The following MCHR2 variants were observed in gnomAD, a reference collection of about 807,000 sequenced individuals.
MCHR2 encodes the protein melanin-concentrating hormone receptor 2.
Under a neutral mutation model 24.8 loss-of-function variants are expected in MCHR2, and 15 were observed. The observed-to-expected ratio is 0.60, with a 90% CI of 0.40 to 0.93. MCHR2 has a LOEUF of 0.93. MCHR2 is among the 40% of genes least tolerant of loss of function. The probability of loss-of-function intolerance (pLI) is 0.00; values close to 1 mark genes in which losing one functional copy is unlikely to be tolerated. For synonymous variants in MCHR2, 151 were observed against 147.6 expected (o/e 1.02, Z -0.17); for missense variants, 386 against 408.7 (o/e 0.94, Z 0.48).
chr6:99,933,265 G>A (rs922670352), intron 5 of MCHR2, among the ~76,000 whole-genome samples: 41 of 152,182 alleles, frequency 2.7e-4, no homozygotes, highest in African/African-American at 9.1e-4. Context: ...TGTATGAGAT[G>A]TGTTTCATAA....
At chr6:99,968,772 C>T (rs984886171) in intron 1 of MCHR2, among the ~76,000 whole-genome samples, 1 of 151,954 alleles carries the variant, frequency 6.6e-6, no homozygotes, top group African/African-American at 2.4e-5. Flanking sequence ...GAATTGAAAT[C>T]ATATAGTGTT....
At chr6:99,926,479 C>T (rs1465553692) in intron 5 of MCHR2, among the ~76,000 whole-genome samples, 1 of 151,556 alleles carries the variant, frequency 6.6e-6, no homozygotes, top group East Asian at 1.9e-4. Flanking sequence ...TATTTCTCCA[C>T]ATCCTCTCCA....
chr6:99,986,910 A>C (rs12200262), intron 1 of MCHR2, among the ~76,000 whole-genome samples: 49,906 of 150,220 alleles, frequency 0.33, 8,722 homozygotes, highest in East Asian at 0.55. Flanking sequence ...ATATACATGG[A>C]CCCTTAAGTA....
intron 4 of MCHR2, among the ~76,000 whole-genome samples, chr6:99,940,869 T>A (rs1192420584): frequency 6.6e-6 from 1 of 152,108 alleles, no homozygotes; most frequent in African/African-American, 2.4e-5. Context: ...GAAGCCTGGC[T>A]AGGGGTTTGT....
At chr6:99,971,186 A>G (rs1775410142) in intron 1 of MCHR2, among the ~76,000 whole-genome samples, 1 of 152,164 alleles carries the variant, frequency 6.6e-6, no homozygotes, top group African/African-American at 2.4e-5. Flanking sequence ...GATTCTTCCT[A>G]CCCATGAGCA....
rs1228917645 is a variant in MCHR2 at position 99,919,250 on chromosome 6, A to C, written c.*1690T>G. ...AGTGTGTAGTTCTCATGTGGTTTAC[A>C]GAACCATTCATCCAGATATGCATTT... On this transcript the variant is annotated 3_prime_UTR_variant, in exon 6 of 6. Transcript: ENST00000281806. Among the ~76,000 whole-genome samples, 1 of 151,684 alleles carries C rather than the reference A, an allele frequency of 6.6e-6. No individual in the cohort carries two copies. Among genetic ancestry groups the C allele is most frequent in the African/African-American group, 2.4e-5 (1 of 41,292 alleles).
At position 99,918,678 on chromosome 6, in the gene MCHR2, G is replaced by A. The variant is rs1422410600; in HGVS notation, c.*2262C>T. ...GAAAGTAAACATGTATACATATCAT[G>A]GCCAAACATAGAAAACACACAAAGA... On this transcript the variant is annotated 3_prime_UTR_variant, in exon 6 of 6. Coordinates refer to ENST00000281806, the MANE Select transcript of MCHR2 (RefSeq NM_001040179.2). Among the ~76,000 whole-genome samples the A allele has an allele frequency of 2.0e-5, 3 of 152,084 alleles. No homozygotes were observed. The highest frequency in any genetic ancestry group is 4.4e-5 in the Non-Finnish European group (3 of 67,994).
intron 1 of MCHR2, among the ~76,000 whole-genome samples, chr6:99,992,575 CT>C (rs1775905239): frequency 6.6e-6 from 1 of 152,170 alleles, no homozygotes; most frequent in African/African-American, 2.4e-5. Context: ...TGCCTGGTGG[CT>C]TTTCCTTCCC....
chr6:99,964,848 A>G (rs1775263684), intron 1 of MCHR2, among the ~76,000 whole-genome samples: 1 of 152,156 alleles, frequency 6.6e-6, no homozygotes. Context: ...ACACACGATA[A>G]CATGGATGGA....
intron 1 of MCHR2, among the ~76,000 whole-genome samples, chr6:99,993,449 G>A (rs1775923902): frequency 6.6e-6 from 1 of 152,112 alleles, no homozygotes; most frequent in African/African-American, 2.4e-5. Context: ...GGGGACACGG[G>A]GATCTACCTG....
intron 4 of MCHR2, among the ~76,000 whole-genome samples, chr6:99,939,413 G>C (rs1197688748): frequency 6.6e-6 from 1 of 151,954 alleles, no homozygotes; most frequent in African/African-American, 2.4e-5. Flanking sequence ...ATTCTAAAGA[G>C]ATGATAATTT....
At chr6:99,948,387 G>A (rs1188740064) in intron 2 of MCHR2, among the ~76,000 whole-genome samples, 1 of 152,098 alleles carries the variant, frequency 6.6e-6, no homozygotes, top group African/African-American at 2.4e-5. Flanking sequence ...ATCTTGTGAG[G>A]ATACTCAAGC....
intron 4 of MCHR2, among the ~76,000 whole-genome samples, chr6:99,941,587 G>C (rs1314939078): frequency 1.3e-5 from 2 of 152,102 alleles, no homozygotes; most frequent in Non-Finnish European, 2.9e-5. Flanking sequence ...TCATGAATGG[G>C]AATAGTGTAC....
intron 3 of MCHR2, 91 bp downstream of exon 3, chr6:99,947,671 T>C (rs1774895167): frequency 7.5e-7 from 1 of 1,339,252 alleles, no homozygotes; most frequent in Non-Finnish European, 1.0e-6. Context: ...TCTGCTGTTA[T>C]AAACCAAAAC....
intron 1 of MCHR2, among the ~76,000 whole-genome samples, chr6:99,958,537 GAA>G (rs571436225): frequency 6.7e-6 from 1 of 149,414 alleles, no homozygotes; most frequent in African/African-American, 2.5e-5. Flanking sequence ...TGATTACAAT[GAA>G]AAAAAAAATC....
intron 1 of MCHR2, among the ~76,000 whole-genome samples, chr6:99,991,212 G>A (rs550568227): frequency 1.3e-5 from 2 of 152,128 alleles, no homozygotes; most frequent in South Asian, 2.1e-4. Context: ...AGACCCTAGC[G>A]GTGAATACAT....
rs1774177644 is a variant in MCHR2 at position 99,919,229 on chromosome 6, T to C, written c.*1711A>G. ...GTTTCAGATGCTACCTGTCTCAGTG[T>C]GTAGTTCTCATGTGGTTTACAGAAC... On this transcript the variant is annotated 3_prime_UTR_variant, in exon 6 of 6. Transcript: ENST00000281806. Among the ~76,000 whole-genome samples the C allele has an allele frequency of 2.0e-5, 3 of 152,168 alleles. No individual in the cohort carries two copies.
intron 2 of MCHR2, among the ~76,000 whole-genome samples, chr6:99,955,099 A>C (rs1775033536): frequency 6.6e-6 from 1 of 152,190 alleles, no homozygotes; most frequent in African/African-American, 2.4e-5. Context: ...ACATTTTGAA[A>C]ATGGCAATTT....
intron 5 of MCHR2, among the ~76,000 whole-genome samples, chr6:99,934,036 TA>T (rs1197111027): frequency 1.3e-5 from 2 of 152,010 alleles, no homozygotes; most frequent in Non-Finnish European, 2.9e-5. Flanking sequence ...ACACAAAAAT[TA>T]AAAGGTTGCA....
Sources: gnomAD v4.1 joint callset for allele counts (sites outside exome capture counted in the v4.1 genomes callset) on GRCh38, gnomAD v4.1.1 for gene constraint, MANE v1.5 for transcripts, NCBI Gene and HGNC (gene_info 2026-07-23, HGNC 2026-07-21) for gene names.